Variants in ADCY2 observed in about 807,000 individuals in gnomAD.
The protein encoded by ADCY2 is adenylate cyclase 2, also known as adenylate cyclase type 2.
In ADCY2, 31 loss-of-function variants were observed where a neutral mutation model predicts 125.2. The ratio of observed to expected loss-of-function variants is 0.25; its 90% confidence interval spans 0.19 to 0.33. ADCY2 has a LOEUF of 0.33. ADCY2 is among the 10% of genes least tolerant of loss of function. ADCY2 has a pLI of 1.00. For synonymous variants in ADCY2, 512 were observed against 548.4 expected (o/e 0.93, Z 0.93); for missense variants, 904 against 1,418.2 (o/e 0.64, Z 5.82).
intron 15 of ADCY2, among the ~76,000 whole-genome samples, chr5:7,753,941 C>T (rs1270431760): frequency 6.6e-6 from 1 of 152,144 alleles, no homozygotes; most frequent in East Asian, 1.9e-4. Context: ...CGCCTGTCTC[C>T]CTGACCTCTG....
intron 3 of ADCY2, among the ~76,000 whole-genome samples, chr5:7,588,892 C>T (rs575043682): frequency 9.2e-5 from 14 of 151,990 alleles, no homozygotes; most frequent in East Asian, 1.9e-4. Flanking sequence ...TAATACGACA[C>T]GTAAGTAAGG....
intron 18 of ADCY2, among the ~76,000 whole-genome samples, chr5:7,783,381 G>A (rs1743979799): frequency 6.6e-6 from 1 of 152,052 alleles, no homozygotes; most frequent in South Asian, 2.1e-4. Flanking sequence ...TTGACTGATG[G>A]GGAAAGTGAC....
chr5:7,563,942 A>G (rs954056234), intron 3 of ADCY2, among the ~76,000 whole-genome samples: 4 of 152,216 alleles, frequency 2.6e-5, no homozygotes, highest in African/African-American at 7.2e-5. Context: ...TCTTGCTTTT[A>G]TCATAAGTAC....
intron 20 of ADCY2, chr5:7,797,999 G>A (rs552377244): frequency 6.6e-6 from 1 of 152,468 alleles, no homozygotes; most frequent in Admixed American, 6.5e-5. Flanking sequence ...ACACAGGGTG[G>A]GGAGCTGTGG....
intron 23 of ADCY2, among the ~76,000 whole-genome samples, chr5:7,820,001 T>C (rs1745246049): frequency 1.3e-5 from 2 of 152,300 alleles, no homozygotes; most frequent in African/African-American, 2.4e-5. Flanking sequence ...CGCAGGCCAG[T>C]GTCCAGCGGC....
intron 4 of ADCY2, among the ~76,000 whole-genome samples, chr5:7,660,734 G>A (rs1739498121): frequency 6.6e-6 from 1 of 152,110 alleles, no homozygotes; most frequent in Non-Finnish European, 1.5e-5. Context: ...ATGTTGTGAA[G>A]GGTAATCTGC....
Position 7,450,019 on chromosome 5 carries a change from C to T in ADCY2, c.408+35249C>T, listed in dbSNP as rs139413228. On this transcript the variant is annotated intron_variant, in intron 2 of 24. Coordinates refer to ENST00000338316, the MANE Select transcript of ADCY2 (RefSeq NM_020546.3). ...CCACTGACCAGCTGTTCTCCATCTC[C>T]CTCCCTCTTCTCAGGCCTCCTTATT... 4.7e-4 allele frequency among the ~76,000 whole-genome samples: 72 copies of T among 152,230 alleles called. 2 individuals carry two copies. In the East Asian group the frequency reaches 0.013, roughly 28 times the overall value.
At chr5:7,490,075 G>T (rs970351289) in intron 2 of ADCY2, among the ~76,000 whole-genome samples, 1 of 151,886 alleles carries the variant, frequency 6.6e-6, no homozygotes, top group Non-Finnish European at 1.5e-5. Flanking sequence ...GGTGGGCTGG[G>T]GTACTATTTC....
intron 2 of ADCY2, among the ~76,000 whole-genome samples, chr5:7,426,390 G>A (rs975044019): frequency 2.0e-5 from 3 of 152,114 alleles, no homozygotes; most frequent in Non-Finnish European, 4.4e-5. Context: ...TCAAGGCACC[G>A]GCAGATTTGG....
chr5:7,607,552 C>T (rs555504492), intron 3 of ADCY2, among the ~76,000 whole-genome samples: 8 of 152,336 alleles, frequency 5.3e-5, no homozygotes, highest in Non-Finnish European at 7.3e-5. Context: ...TGAGCTCTCA[C>T]GAGTAAAGCA....
At chr5:7,452,375 T>C (rs1741507276) in intron 2 of ADCY2, among the ~76,000 whole-genome samples, 2 of 152,236 alleles carry the variant, frequency 1.3e-5, no homozygotes, top group Non-Finnish European at 2.9e-5. Flanking sequence ...CATTCTTAAG[T>C]TACTTCCCTT....
At chr5:7,660,472 G>A (rs1180761210) in intron 4 of ADCY2, among the ~76,000 whole-genome samples, 2 of 152,120 alleles carry the variant, frequency 1.3e-5, no homozygotes, top group Non-Finnish European at 2.9e-5. Context: ...AATGGCATAG[G>A]TGTATATATA....
intron 2 of ADCY2, among the ~76,000 whole-genome samples, chr5:7,432,139 C>T (rs776374815): frequency 5.3e-5 from 8 of 151,860 alleles, no homozygotes; most frequent in Non-Finnish European, 1.0e-4. Context: ...GAGAGGAGTC[C>T]GGCTGGGGAT....
chr5:7,724,640 A>T, intron 13 of ADCY2, 26 bp downstream of exon 13: 1 of 1,485,886 alleles, frequency 6.7e-7, no homozygotes, highest in Non-Finnish European at 9.2e-7. Flanking sequence ...CTTCAAAATC[A>T]TCAATCGAGT....
intron 12 of ADCY2, 50 bp from the exon 13 acceptor site, chr5:7,724,495 G>A: frequency 7.2e-7 from 1 of 1,387,580 alleles, no homozygotes; most frequent in Non-Finnish European, 1.0e-6. Flanking sequence ...AGTTCCAGAT[G>A]TTTGATTGGA....
intron 9 of ADCY2, chr5:7,708,302 A>G (rs1481685815): frequency 6.5e-6 from 1 of 154,188 alleles, no homozygotes; most frequent in Non-Finnish European, 1.4e-5. Flanking sequence ...TAAATATTAC[A>G]TAGACATGCT....
chr5:7,670,061 AT>A (rs1418729849), intron 4 of ADCY2, among the ~76,000 whole-genome samples: 5 of 152,178 alleles, frequency 3.3e-5, no homozygotes, highest in Non-Finnish European at 7.3e-5. Context: ...GTTGTCACCA[AT>A]GTTATTTTTT....
chr5:7,662,264 C>G (rs1739559044), intron 4 of ADCY2, among the ~76,000 whole-genome samples: 1 of 152,196 alleles, frequency 6.6e-6, no homozygotes, highest in African/African-American at 2.4e-5. Flanking sequence ...ATTTCCCAAA[C>G]AAGCAAATGT....
At chr5:7,737,451 A>G (rs1343566157) in intron 14 of ADCY2, among the ~76,000 whole-genome samples, 1 of 152,230 alleles carries the variant, frequency 6.6e-6, no homozygotes, top group East Asian at 1.9e-4. Flanking sequence ...GTTGCAGGCC[A>G]TTCAGAAAAT....
Sources: gnomAD v4.1 joint callset for allele counts (sites outside exome capture counted in the v4.1 genomes callset) on GRCh38, gnomAD v4.1.1 for gene constraint, MANE v1.5 for transcripts, NCBI Gene and HGNC (gene_info 2026-07-23, HGNC 2026-07-21) for gene names.